The following CRPPA variants were observed in gnomAD, a reference collection of about 807,000 sequenced individuals.
The protein encoded by CRPPA is CDP-L-ribitol pyrophosphorylase A, also known as D-ribitol-5-phosphate cytidylyltransferase.
Under a neutral mutation model 52.0 loss-of-function variants are expected in CRPPA, and 43 were observed. The ratio of observed to expected loss-of-function variants is 0.83; its 90% confidence interval spans 0.65 to 1.07. The LOEUF is 1.07. CRPPA is among the 50% of genes least tolerant of loss of function. The probability of loss-of-function intolerance (pLI) is 0.00; values close to 1 mark genes in which losing one functional copy is unlikely to be tolerated. For synonymous variants in CRPPA, 250 were observed against 203.5 expected (o/e 1.23, Z -1.94); for missense variants, 629 against 551.7 (o/e 1.14, Z -1.40).
At chr7:16,110,033 A>G (rs1188408200) in intron 9 of CRPPA, among the ~76,000 whole-genome samples, 1 of 151,994 alleles carries the variant, frequency 6.6e-6, no homozygotes, top group African/African-American at 2.4e-5. Context: ...ACATGATCTT[A>G]TATATATATA....
intron 1 of CRPPA, among the ~76,000 whole-genome samples, chr7:16,419,681 C>T (rs112796046): frequency 6.6e-6 from 1 of 152,008 alleles, no homozygotes; most frequent in African/African-American, 2.4e-5. Context: ...AGTAATCTGT[C>T]TCAACCAGTT....
At chr7:16,185,549 G>A (rs7809306) in intron 9 of CRPPA, among the ~76,000 whole-genome samples, 40,155 of 152,022 alleles carry the variant, frequency 0.26, 6,061 homozygotes, top group East Asian at 0.51. Flanking sequence ...TTTGTGTGTG[G>A]CTCCTGCCTG....
chr7:16,122,906 C>T (rs1782505695), intron 9 of CRPPA, among the ~76,000 whole-genome samples: 2 of 152,000 alleles, frequency 1.3e-5, no homozygotes, highest in South Asian at 2.1e-4. Context: ...CTACTTTGTA[C>T]ACCCCTTTAT....
chr7:16,323,701 TAAG>T (rs1425824547), intron 3 of CRPPA, among the ~76,000 whole-genome samples: 1 of 152,190 alleles, frequency 6.6e-6, no homozygotes, highest in African/African-American at 2.4e-5. Flanking sequence ...TATAATTGCT[TAAG>T]AAGATGTTTA....
chr7:16,393,269 G>C (rs1396140508), intron 2 of CRPPA, among the ~76,000 whole-genome samples: 1 of 152,044 alleles, frequency 6.6e-6, no homozygotes, highest in Admixed American at 6.6e-5. Context: ...ATTAATATAA[G>C]AAAATTAAAC....
chr7:16,237,491 T>TC (rs1232403491), intron 8 of CRPPA: 5 of 152,110 alleles, frequency 3.3e-5, no homozygotes, highest in Non-Finnish European at 4.4e-5. Context: ...TCTAATCACC[T>TC]CCCAAAGGAC....
chr7:16,273,894 C>T (rs1348399503), intron 6 of CRPPA, among the ~76,000 whole-genome samples: 1 of 152,174 alleles, frequency 6.6e-6, no homozygotes, highest in Non-Finnish European at 1.5e-5. Flanking sequence ...ACCTGCTCAC[C>T]TGCATGCTCC....
intron 3 of CRPPA, among the ~76,000 whole-genome samples, chr7:16,343,777 C>T (rs1212632032): frequency 6.6e-6 from 1 of 152,124 alleles, no homozygotes; most frequent in Non-Finnish European, 1.5e-5. Flanking sequence ...CGCACATGCC[C>T]AGGAAAGACC....
At chr7:16,240,462 A>G (rs1035601695) in intron 8 of CRPPA, among the ~76,000 whole-genome samples, 6 of 151,040 alleles carry the variant, frequency 4.0e-5, no homozygotes, top group African/African-American at 1.5e-4. Context: ...TTTTCTGATT[A>G]AAAAAAAATT....
At chr7:16,379,888 G>A (rs1000650287) in intron 2 of CRPPA, among the ~76,000 whole-genome samples, 1 of 151,944 alleles carries the variant, frequency 6.6e-6, no homozygotes, top group South Asian at 2.1e-4. Context: ...GGAGATTTTG[G>A]GCTGAGACAA....
chr7:16,252,354 C>G (rs1783481879), intron 8 of CRPPA, among the ~76,000 whole-genome samples: 1 of 152,074 alleles, frequency 6.6e-6, no homozygotes, highest in Non-Finnish European at 1.5e-5. Flanking sequence ...ATTCACAAGC[C>G]CTTCATGCTA....
chr7:16,272,046 G>A (rs80269579), intron 6 of CRPPA, among the ~76,000 whole-genome samples: 15,404 of 152,204 alleles, frequency 0.1, 1,104 homozygotes, highest in African/African-American at 0.19. Context: ...CTGGGAAGAA[G>A]TGAGAGAGGT....
At chr7:16,373,507 C>G (rs1174093155) in intron 3 of CRPPA, among the ~76,000 whole-genome samples, 3 of 152,192 alleles carry the variant, frequency 2.0e-5, no homozygotes, top group African/African-American at 7.2e-5. Context: ...ACAGGGCTCA[C>G]AGCCTAGCAG....
intron 8 of CRPPA, among the ~76,000 whole-genome samples, chr7:16,257,910 A>C (rs892851789): frequency 2.6e-5 from 4 of 152,108 alleles, no homozygotes; most frequent in African/African-American, 9.7e-5. Flanking sequence ...AAAATTTTTC[A>C]TAGGCCATTC....
intron 7 of CRPPA, 61 bp from the exon 8 acceptor site, chr7:16,258,543 T>G (rs1178145288): frequency 1.1e-6 from 1 of 940,512 alleles, no homozygotes; most frequent in African/African-American, 1.7e-5. Context: ...TAAAACTTAT[T>G]TCAAGGAATA....
chr7:16,418,987 G>A (rs749100689), intron 1 of CRPPA, among the ~76,000 whole-genome samples: 25 of 152,312 alleles, frequency 1.6e-4, no homozygotes, highest in Non-Finnish European at 3.7e-4. Flanking sequence ...TGCTGGCCAA[G>A]ACCCATTGTG....
chr7:16,396,902 G>C (rs117778106), intron 2 of CRPPA, among the ~76,000 whole-genome samples: 1 of 152,214 alleles, frequency 6.6e-6, no homozygotes, highest in Admixed American at 6.5e-5. Context: ...TGTGACACAT[G>C]TGTGAAAGAC....
rs1296680076 is a variant in CRPPA, at chr7:16,088,025, A to G, written c.*3670T>C. The stretch of plus-strand genomic sequence containing the variant: ...ATGTAAAATACTTACAATAATAACC[A>G]TAACAATGACTCTGAGAGAATATAG... On this transcript the variant is annotated 3_prime_UTR_variant, in exon 10 of 10. Transcript: ENST00000407010. 6.6e-6 allele frequency: 1 copy of G among 152,198 alleles called. No homozygotes were observed. The highest frequency in any genetic ancestry group is 1.5e-5 in the Non-Finnish European group (1 of 68,026). The allele number at this position is 152,198 out of a possible 1,614,324, so 9.4% of individuals were successfully genotyped here.
At chr7:16,200,277 C>T (rs1404628691) in intron 9 of CRPPA, among the ~76,000 whole-genome samples, 2 of 152,210 alleles carry the variant, frequency 1.3e-5, no homozygotes, top group South Asian at 4.1e-4. Context: ...GTTATGCTTA[C>T]ATACTAAGTG....
Sources: allele counts gnomAD v4.1 joint callset (sites outside exome capture counted in the v4.1 genomes callset), GRCh38; gene constraint gnomAD v4.1.1; transcripts MANE v1.5; gene names NCBI Gene and HGNC (gene_info 2026-07-23, HGNC 2026-07-21).